LYN: variants seen among roughly 807,000 people sequenced by gnomAD.
LYN encodes the protein LYN proto-oncogene, Src family tyrosine kinase, also known as tyrosine-protein kinase Lyn.
Under a neutral mutation model 65.0 loss-of-function variants are expected in LYN, and 12 were observed. The observed-to-expected ratio is 0.18, with a 90% CI of 0.12 to 0.30. The LOEUF is 0.30. Ranked by LOEUF, LYN falls within the 10% of genes least tolerant of loss-of-function variation. The pLI, the probability that LYN is intolerant of heterozygous loss-of-function variation, is 1.00. For missense variants in LYN, 380 were observed against 623.2 expected, an observed-to-expected ratio of 0.61 and a Z score of 4.16; for synonymous variants, 222 against 221.2, an observed-to-expected ratio of 1.00 and a Z score of -0.03.
chr8:55,946,423 T>C (rs1347177959), intron 2 of LYN, 25 bp from the exon 3 acceptor site: 2 of 1,561,128 alleles, frequency 1.3e-6, no homozygotes, highest in East Asian at 2.2e-5. Context: ...CAGAATTTTT[T>C]TTTCTAACAA....
Position 56,010,227 on chromosome 8 carries a change from C to A in LYN, c.*117C>A. 2 of 1,027,042 alleles carry A rather than the reference C, an allele frequency of 1.9e-6. No individual in the cohort carries two copies. Among genetic ancestry groups the A allele is most frequent in the East Asian group, 2.5e-5 (1 of 40,808 alleles). 63.6% of individuals were successfully genotyped at this position (1,027,042 alleles called of 1,614,324 possible). The stretch of plus-strand genomic sequence containing the variant: ...CGGGGATCATCTGCCGTGCCTGGAT[C>A]CTGAAATAGAGGCTAAATTACTCAG... On this transcript the variant is annotated 3_prime_UTR_variant, in exon 13 of 13. Coordinates refer to ENST00000519728, the MANE Select transcript of LYN (RefSeq NM_002350.4).
intron 1 of LYN, among the ~76,000 whole-genome samples, chr8:55,937,044 C>T (rs1448492454): frequency 1.3e-5 from 2 of 152,170 alleles, no homozygotes; most frequent in Non-Finnish European, 2.9e-5. Flanking sequence ...AGGTGGGTGA[C>T]CAGTTGATAT....
At chr8:55,992,887 C>G (rs1018302327) in intron 10 of LYN, among the ~76,000 whole-genome samples, 1 of 152,160 alleles carries the variant, frequency 6.6e-6, no homozygotes, top group African/African-American at 2.4e-5. Flanking sequence ...GGGAGGATCT[C>G]TCATGACCCA....
At chr8:55,978,902 C>T (rs927494222) in intron 10 of LYN, among the ~76,000 whole-genome samples, 1 of 152,168 alleles carries the variant, frequency 6.6e-6, no homozygotes. Context: ...GCACAGGCTC[C>T]TCCCTAGCCC....
chr8:55,921,263 G>C (rs1318829270), intron 1 of LYN, among the ~76,000 whole-genome samples: 1 of 152,140 alleles, frequency 6.6e-6, no homozygotes, highest in African/African-American at 2.4e-5. Flanking sequence ...TTCAACAACT[G>C]GTGCTTTGTT....
chr8:55,924,426 A>C (rs1585603777), intron 1 of LYN, among the ~76,000 whole-genome samples: 1 of 150,598 alleles, frequency 6.6e-6, no homozygotes, highest in East Asian at 1.9e-4. Flanking sequence ...GCAATGGTGT[A>C]ATCTTGACTC....
intron 1 of LYN, among the ~76,000 whole-genome samples, chr8:55,934,036 G>A (rs560545161): frequency 2.6e-4 from 40 of 152,296 alleles, no homozygotes; most frequent in African/African-American, 8.9e-4. Context: ...GACCAGCCTG[G>A]CCAATATGGT....
intron 10 of LYN, among the ~76,000 whole-genome samples, chr8:55,970,089 C>T (rs1237628974): frequency 6.6e-6 from 1 of 152,220 alleles, no homozygotes; most frequent in Non-Finnish European, 1.5e-5. Context: ...ATCACTTTCT[C>T]AGCATTTGGG....
chr8:55,923,708 T>G (rs944432361), intron 1 of LYN, among the ~76,000 whole-genome samples: 2 of 152,064 alleles, frequency 1.3e-5, no homozygotes, highest in Non-Finnish European at 2.9e-5. Context: ...CCCACCTGAT[T>G]TTTGTATTTT....
chr8:55,967,122 C>T (rs1807481679), intron 9 of LYN, among the ~76,000 whole-genome samples: 2 of 150,634 alleles, frequency 1.3e-5, no homozygotes, highest in African/African-American at 2.4e-5. Context: ...CATCTGCCTG[C>T]GTGTACCTAT....
intron 1 of LYN, among the ~76,000 whole-genome samples, chr8:55,930,668 T>C (rs1432602693): frequency 2.0e-5 from 3 of 152,192 alleles, no homozygotes; most frequent in South Asian, 2.1e-4. Flanking sequence ...CTGTGTGAAA[T>C]TGCTCAACTA....
chr8:55,945,947 C>G (rs2130483019), intron 2 of LYN, among the ~76,000 whole-genome samples: 1 of 152,344 alleles, frequency 6.6e-6, no homozygotes, highest in South Asian at 2.1e-4. Flanking sequence ...CGTCTCCATC[C>G]TGCTGCCGCT....
intron 1 of LYN, among the ~76,000 whole-genome samples, chr8:55,908,823 T>C (rs1805502381): frequency 6.6e-6 from 1 of 151,916 alleles, no homozygotes; most frequent in Admixed American, 6.6e-5. Flanking sequence ...AGCTCCCACT[T>C]ATAAGTGAGA....
chr8:55,902,995 T>C (rs1033824786), intron 1 of LYN: 5 of 297,730 alleles, frequency 1.7e-5, no homozygotes, highest in Admixed American at 4.3e-5. Context: ...ACTACAGGTG[T>C]GTGCCACCAC....
rs145595693 is a variant in LYN at position 55,993,459 on chromosome 8, G to A, written c.1051-4887G>A. Among the ~76,000 whole-genome samples, 5 of 152,286 alleles carry A rather than the reference G, an allele frequency of 3.3e-5. No homozygotes were observed. In the East Asian group the frequency reaches 9.6e-4, roughly 29 times the overall value. Reference sequence around the variant, plus strand: ...TAGTTATGAGTACTGAGCTCTCTTGGTACTGAGCTCTCTTGTGGGTCTGAC... The same window carrying A: ...TAGTTATGAGTACTGAGCTCTCTTGATACTGAGCTCTCTTGTGGGTCTGAC... On this transcript the variant is annotated intron_variant, in intron 10 of 12. Transcript: ENST00000519728.
At position 55,947,045 on chromosome 8, in the gene LYN, C is replaced by T. The variant is rs371905058; in HGVS notation, c.178+552C>T. 1.5e-3 allele frequency among the ~76,000 whole-genome samples: 228 copies of T among 152,258 alleles called. 1 individual carries two copies. Among genetic ancestry groups the T allele is most frequent in the African/African-American group, 5.1e-3 (210 of 41,550 alleles). On this transcript the variant is annotated intron_variant, in intron 3 of 12. Transcript: ENST00000519728. Reference sequence around the variant, plus strand: ...GGTAGATCACCTGTGGTCAGGAGTTCGAGACCAGCCTGGTCAACATGGTGA... The same window carrying T: ...GGTAGATCACCTGTGGTCAGGAGTTTGAGACCAGCCTGGTCAACATGGTGA...
At chr8:55,924,817 G>C (rs1806055590) in intron 1 of LYN, among the ~76,000 whole-genome samples, 1 of 152,056 alleles carries the variant, frequency 6.6e-6, no homozygotes, top group Admixed American at 6.6e-5. Flanking sequence ...TCACTGCTTT[G>C]GCTTCAAGCT....
chr8:55,937,684 A>AGTTTTGTTTT, intron 1 of LYN, among the ~76,000 whole-genome samples: 1 of 152,130 alleles, frequency 6.6e-6, no homozygotes, highest in East Asian at 1.9e-4. Flanking sequence ...GGTAAGAGTG[A>AGTTTTGTTTT]GTTTTGTTTT....
chr8:55,915,685 G>A (rs919214873), intron 1 of LYN, among the ~76,000 whole-genome samples: 10 of 152,114 alleles, frequency 6.6e-5, no homozygotes, highest in Admixed American at 3.9e-4. Context: ...CAGCCTGGGC[G>A]AGAAGAGCAA....
Sources: gnomAD v4.1 joint callset for allele counts (sites outside exome capture counted in the v4.1 genomes callset) on GRCh38, gnomAD v4.1.1 for gene constraint, MANE v1.5 for transcripts, NCBI Gene and HGNC (gene_info 2026-07-23, HGNC 2026-07-21) for gene names.